Variants in ST18 observed in about 807,000 individuals in gnomAD.
ST18 encodes suppression of tumorigenicity 18 protein.
In ST18, 50 loss-of-function variants were observed where a neutral mutation model predicts 110.0. That is an observed-to-expected ratio of 0.45 (90% CI 0.36 to 0.58). The LOEUF (loss-of-function observed/expected upper bound fraction) is 0.58. ST18 is among the 20% of genes least tolerant of loss of function. The pLI is 0.00. For synonymous variants in ST18, 461 were observed against 452.4 expected (o/e 1.02, Z -0.24); for missense variants, 1,306 against 1,280.1 (o/e 1.02, Z -0.31).
Position 52,272,698 on chromosome 8 carries a change from T to A in ST18, c.-464-42621A>T, listed in dbSNP as rs183956436. Reference sequence around the variant, plus strand: ...GAAAATTAAGAATAGAACTACCATATGATCCAGCAATCCATCTTCTGGGTA... The same window carrying A: ...GAAAATTAAGAATAGAACTACCATAAGATCCAGCAATCCATCTTCTGGGTA... On this transcript the variant is annotated intron_variant, in intron 2 of 25. Transcript: ENST00000689386. Among the ~76,000 whole-genome samples, 429 of 152,320 alleles carry A rather than the reference T, an allele frequency of 2.8e-3. 2 individuals are homozygous for A. Among genetic ancestry groups the A allele is most frequent in the African/African-American group, 0.01 (416 of 41,570 alleles).
intron 2 of ST18, among the ~76,000 whole-genome samples, chr8:52,262,571 G>A (rs537203484): frequency 6.6e-6 from 1 of 152,264 alleles, no homozygotes; most frequent in South Asian, 2.1e-4. Context: ...AAACAAGAAC[G>A]CTTAAGACTA....
chr8:52,401,774 T>G (rs1054374482), intron 2 of ST18, among the ~76,000 whole-genome samples: 1 of 152,178 alleles, frequency 6.6e-6, no homozygotes, highest in Non-Finnish European at 1.5e-5. Context: ...TAGGTTTAAT[T>G]CCTTTTTAAG....
intron 8 of ST18, among the ~76,000 whole-genome samples, chr8:52,202,558 A>G (rs2078380489): frequency 1.3e-5 from 2 of 152,370 alleles, no homozygotes; most frequent in East Asian, 1.9e-4. Context: ...ATTCAAAGTA[A>G]TAAGTGTTTT....
At chr8:52,309,245 G>C (rs929133030) in intron 2 of ST18, among the ~76,000 whole-genome samples, 1 of 152,204 alleles carries the variant, frequency 6.6e-6, no homozygotes, top group Admixed American at 6.5e-5. Context: ...CATAGGCCAG[G>C]CATGGTAGCT....
chr8:52,226,429 C>T (rs2089442212), intron 3 of ST18, among the ~76,000 whole-genome samples: 1 of 152,132 alleles, frequency 6.6e-6, no homozygotes, highest in African/African-American at 2.4e-5. Flanking sequence ...TTGTAAACAC[C>T]TACAGAAAGG....
At chr8:52,178,011 A>C (rs1170328496) in intron 9 of ST18, among the ~76,000 whole-genome samples, 1 of 152,190 alleles carries the variant, frequency 6.6e-6, no homozygotes, top group South Asian at 2.1e-4. Context: ...TAGTTAGCCT[A>C]TTTTTGTGAA....
chr8:52,137,780 GCAAT>G lies in ST18; in HGVS notation c.2169-301_2169-298del, dbSNP rs2053091988. 2.5e-5 allele frequency: 8 copies of G among 316,876 alleles called. 1 individual carries two copies. In the South Asian group the frequency reaches 4.6e-4, roughly 18 times the overall value. 19.6% of individuals were successfully genotyped at this position (316,876 alleles called of 1,614,324 possible). ...GATGTCCTTGTGATGTTGTCAGTTA[GCAAT>G]CAAAGATGTTTTAATTCATTTGAAA... On this transcript the variant is annotated intron_variant, in intron 17 of 25. Transcript: ENST00000689386.
intron 2 of ST18, among the ~76,000 whole-genome samples, chr8:52,290,836 T>A (rs1294954923): frequency 1.3e-5 from 2 of 152,194 alleles, no homozygotes. Flanking sequence ...CCTCCCTGAC[T>A]TCCTCATTAC....
intron 8 of ST18, among the ~76,000 whole-genome samples, chr8:52,201,553 C>T (rs1469579412): frequency 3.3e-5 from 5 of 152,128 alleles, no homozygotes; most frequent in Admixed American, 3.3e-4. Context: ...AGGTGAGCCT[C>T]CCGGAGTAGT....
In ST18 at chr8:52,367,236, T is replaced by TCACACACACACACACACACACA. The variant is rs748933981; in HGVS notation, c.-465+42070_-465+42091dup. ...CTGGGTGACAGAGCGGGACCCTGTC[T>TCACACACACACACACACACACA]CACACACACACACACACACACACAC... On this transcript the variant is annotated intron_variant, in intron 2 of 25. Transcript: ENST00000689386. Among the ~76,000 whole-genome samples the TCACACACACACACACACACACA allele has an allele frequency of 3.1e-3, 376 of 120,238 alleles. 2 individuals are homozygous for TCACACACACACACACACACACA. The highest frequency in any genetic ancestry group is 6.7e-3 in the African/African-American group (218 of 32,628). 78.9% of individuals were successfully genotyped at this position (120,238 alleles called of 152,430 possible).
intron 2 of ST18, among the ~76,000 whole-genome samples, chr8:52,342,647 G>A (rs1218499198): frequency 6.6e-6 from 1 of 152,192 alleles, no homozygotes; most frequent in African/African-American, 2.4e-5. Context: ...GAAGCACTCT[G>A]ATGCAGGAGA....
At chr8:52,314,086 G>A (rs376398522) in intron 2 of ST18, among the ~76,000 whole-genome samples, 4 of 152,196 alleles carry the variant, frequency 2.6e-5, no homozygotes. Flanking sequence ...CACAGGGGTA[G>A]CAGGGCCCAC....
intron 3 of ST18, among the ~76,000 whole-genome samples, chr8:52,224,203 A>C (rs1237488974): frequency 3.3e-5 from 5 of 152,198 alleles, no homozygotes; most frequent in Non-Finnish European, 7.3e-5. Context: ...ATGATACTTT[A>C]AGTTATAGTC....
Position 52,165,153 on chromosome 8 carries a change from T to C in ST18, c.1277A>G (p.Asn426Ser). The change falls in exon 12 of 26, where the codon AAC becomes AGC. Residue 426 changes from asparagine to serine, a missense_variant. Asn to Ser is a conservative substitution (Grantham distance 46, BLOSUM62 1). Coordinates refer to ENST00000689386, the MANE Select transcript of ST18 (RefSeq NM_001352837.2). Reference sequence around the variant, plus strand: ...GAATTACCTCCTGTGGGTGTTGCGGTTGCTGTTCACATGACCCCTTCCTGT... The same window carrying C: ...GAATTACCTCCTGTGGGTGTTGCGGCTGCTGTTCACATGACCCCTTCCTGT... ...GCTGRGHVNS[N>S]RNTHRSLSGC... is the part of the protein sequence containing the mutation. 6.2e-7 allele frequency: 1 copy of C among 1,614,202 alleles called. No individual in the cohort carries two copies. Among genetic ancestry groups the C allele is most frequent in the Non-Finnish European group, 8.5e-7 (1 of 1,180,036 alleles).
chr8:52,307,267 C>A (rs1250787138), intron 2 of ST18, among the ~76,000 whole-genome samples: 2 of 152,152 alleles, frequency 1.3e-5, no homozygotes, highest in African/African-American at 2.4e-5. Flanking sequence ...CCCTAAAGTT[C>A]TTTGAATTAG....
At chr8:52,357,676 A>AATATATATATATAT (rs71252934) in intron 2 of ST18, among the ~76,000 whole-genome samples, 2 of 38,450 alleles carry the variant, frequency 5.2e-5, no homozygotes, top group Non-Finnish European at 9.3e-5. Flanking sequence ...AAAATCTATA[A>AATATATATATATAT]ATATATATAT....
intron 8 of ST18, among the ~76,000 whole-genome samples, chr8:52,207,065 A>G (rs2080348071): frequency 6.6e-6 from 1 of 152,244 alleles, no homozygotes; most frequent in African/African-American, 2.4e-5. Context: ...AAAAATTCCA[A>G]AATATTAAAG....
chr8:52,196,246 A>G (rs988877143), intron 8 of ST18, among the ~76,000 whole-genome samples: 3 of 152,138 alleles, frequency 2.0e-5, no homozygotes, highest in African/African-American at 7.2e-5. Context: ...CAGTGGAGGA[A>G]CCAACCATGC....
chr8:52,215,835 C>G (rs1342962196), intron 6 of ST18, among the ~76,000 whole-genome samples: 1 of 152,196 alleles, frequency 6.6e-6, no homozygotes, highest in African/African-American at 2.4e-5. Flanking sequence ...AATCCCCCTC[C>G]TCCCGTGAGT....
Sources: gnomAD v4.1 joint callset for allele counts (sites outside exome capture counted in the v4.1 genomes callset) on GRCh38, gnomAD v4.1.1 for gene constraint, MANE v1.5 for transcripts, NCBI Gene and HGNC (gene_info 2026-07-23, HGNC 2026-07-21) for gene names.